The following PLCB1 variants were observed in gnomAD, a reference collection of about 807,000 sequenced individuals.
PLCB1 encodes the protein phospholipase C beta 1.
A neutral mutation model predicts 161.8 loss-of-function variants in PLCB1; 46 were observed. The observed-to-expected ratio is 0.28, with a 90% CI of 0.22 to 0.36. The LOEUF (loss-of-function observed/expected upper bound fraction) is 0.36. Among genes scored for constraint, PLCB1 ranks in the 10% least tolerant of loss-of-function variants. The pLI, the probability that PLCB1 is intolerant of heterozygous loss-of-function variation, is 1.00. For missense variants in PLCB1, 1,016 were observed against 1,472.5 expected (o/e 0.69, Z 5.07); for synonymous variants, 517 against 503.7 (o/e 1.03, Z -0.35).
intron 1 of PLCB1, among the ~76,000 whole-genome samples, chr20:8,142,919 C>T (rs996697634): frequency 1.3e-5 from 2 of 152,184 alleles, no homozygotes; most frequent in African/African-American, 4.8e-5. Context: ...ATTATTCCAG[C>T]TGCCCTCCTG....
At chr20:8,310,948 C>A (rs565371768) in intron 2 of PLCB1, among the ~76,000 whole-genome samples, 65 of 152,204 alleles carry the variant, frequency 4.3e-4, no homozygotes, top group African/African-American at 1.5e-3. Context: ...ATATGCACCC[C>A]CACTGATGGG....
At chr20:8,403,041 GT>G (rs1162607978) in intron 3 of PLCB1, among the ~76,000 whole-genome samples, 1 of 151,978 alleles carries the variant, frequency 6.6e-6, no homozygotes, top group Non-Finnish European at 1.5e-5. Context: ...ATTAATCAGT[GT>G]TGTATATGAT....
intron 3 of PLCB1, among the ~76,000 whole-genome samples, chr20:8,514,271 C>T (rs749095753): frequency 2.6e-5 from 4 of 151,356 alleles, no homozygotes; most frequent in Non-Finnish European, 4.4e-5. Flanking sequence ...GAAACCCTGT[C>T]TCTACTAAAA....
chr20:8,824,022 G>A (rs775999907), intron 31 of PLCB1, among the ~76,000 whole-genome samples: 3 of 151,976 alleles, frequency 2.0e-5, no homozygotes, highest in Non-Finnish European at 2.9e-5. Context: ...CCGCCTTGGG[G>A]AATCAGTTTA....
chr20:8,851,357 T>C (rs1174683554), intron 31 of PLCB1, among the ~76,000 whole-genome samples: 2 of 152,256 alleles, frequency 1.3e-5, no homozygotes, highest in East Asian at 3.8e-4. Context: ...TCAAGGTCCC[T>C]AGCAATTTAT....
intron 3 of PLCB1, among the ~76,000 whole-genome samples, 167 bp from the exon 4 acceptor site, chr20:8,628,127 T>C (rs1988413980): frequency 6.6e-6 from 1 of 152,184 alleles, no homozygotes; most frequent in Non-Finnish European, 1.5e-5. Context: ...AGTTGCTTCA[T>C]CTCTCTAGGC....
chr20:8,815,655 C>T (rs1985051307), intron 31 of PLCB1, among the ~76,000 whole-genome samples: 1 of 152,150 alleles, frequency 6.6e-6, no homozygotes, highest in Non-Finnish European at 1.5e-5. Context: ...GCTTTGTACT[C>T]CCGACCTCAA....
At chr20:8,751,523 C>T (rs1206914097) in intron 23 of PLCB1, 1 of 152,162 alleles carries the variant, frequency 6.6e-6, no homozygotes, top group Non-Finnish European at 1.5e-5. Flanking sequence ...CATCTGTATT[C>T]TATTTTCAGT....
intron 2 of PLCB1, among the ~76,000 whole-genome samples, chr20:8,357,575 G>T (rs1005526395): frequency 6.6e-6 from 1 of 152,068 alleles, no homozygotes; most frequent in African/African-American, 2.4e-5. Context: ...CAGCACTCTG[G>T]GGGGGCCGAG....
At chr20:8,805,374 A>G (rs543387358) in intron 31 of PLCB1, among the ~76,000 whole-genome samples, 1 of 152,354 alleles carries the variant, frequency 6.6e-6, no homozygotes, top group Non-Finnish European at 1.5e-5. Context: ...CCAATTTCTA[A>G]AAACACCAAT....
At chr20:8,226,709 A>T (rs1277590336) in intron 2 of PLCB1, among the ~76,000 whole-genome samples, 30 of 149,672 alleles carry the variant, frequency 2.0e-4, no homozygotes. Flanking sequence ...TTTTTTTGAG[A>T]CGAAATCTCA....
chr20:8,687,862 G>A lies in PLCB1; in HGVS notation c.1009+2784G>A, dbSNP rs1015576951. 9.2e-5 allele frequency among the ~76,000 whole-genome samples: 14 copies of A among 152,116 alleles called. No homozygotes were observed. In the South Asian group the frequency reaches 1.0e-3, roughly 11 times the overall value. Reference sequence around the variant, plus strand: ...CTGGGTAGATACCCATTAGTGGGACGGCTGGATCAAATGGTAGTTCTACTT... The same window carrying A: ...CTGGGTAGATACCCATTAGTGGGACAGCTGGATCAAATGGTAGTTCTACTT... On this transcript the variant is annotated intron_variant, in intron 10 of 31. Transcript: ENST00000338037.
intron 2 of PLCB1, among the ~76,000 whole-genome samples, chr20:8,229,293 A>T (rs1979877318): frequency 6.6e-6 from 1 of 152,138 alleles, no homozygotes; most frequent in African/African-American, 2.4e-5. Flanking sequence ...CATTATTTTA[A>T]AAATTTAAAT....
chr20:8,246,439 G>T (rs533131040), intron 2 of PLCB1, among the ~76,000 whole-genome samples: 1 of 152,056 alleles, frequency 6.6e-6, no homozygotes, highest in South Asian at 2.1e-4. Flanking sequence ...ATGGTTTCAA[G>T]AGAGAATGTA....
intron 2 of PLCB1, among the ~76,000 whole-genome samples, chr20:8,312,565 G>A (rs1254853123): frequency 6.6e-6 from 1 of 152,050 alleles, no homozygotes; most frequent in Admixed American, 6.5e-5. Flanking sequence ...TACTGCATGC[G>A]GTGCTTGGGT....
At chr20:8,158,794 C>T (rs1273867894) in intron 2 of PLCB1, among the ~76,000 whole-genome samples, 1 of 152,168 alleles carries the variant, frequency 6.6e-6, no homozygotes, top group Non-Finnish European at 1.5e-5. Context: ...GCAGGGTAGT[C>T]AAATCTTAAA....
At chr20:8,294,018 A>G (rs1247527942) in intron 2 of PLCB1, among the ~76,000 whole-genome samples, 1 of 152,170 alleles carries the variant, frequency 6.6e-6, no homozygotes, top group Non-Finnish European at 1.5e-5. Context: ...AGAAAGATTA[A>G]TAGAACATCC....
intron 2 of PLCB1, among the ~76,000 whole-genome samples, chr20:8,212,298 TAA>T (rs936672027): frequency 6.6e-6 from 1 of 152,164 alleles, no homozygotes; most frequent in African/African-American, 2.4e-5. Context: ...CTCAATTTCC[TAA>T]GTCTAGAACA....
Position 8,444,048 on chromosome 20 carries a change from T to A in PLCB1, c.246+72598T>A, listed in dbSNP as rs575073070. Among the ~76,000 whole-genome samples the A allele has an allele frequency of 3.3e-5, 5 of 152,334 alleles. No homozygotes were observed. The East Asian group carries it at 5.8e-4, about 18-fold the overall frequency. ...CTGAGATCTTGACCAATACCTGATT[T>A]TTTTTTTGTACTTTAAGTTCTAGGG... On this transcript the variant is annotated intron_variant, in intron 3 of 31. Transcript: ENST00000338037.
Sources: gnomAD v4.1 joint callset for allele counts (sites outside exome capture counted in the v4.1 genomes callset) on GRCh38, gnomAD v4.1.1 for gene constraint, MANE v1.5 for transcripts, NCBI Gene and HGNC (gene_info 2026-07-23, HGNC 2026-07-21) for gene names.